The following PDE3A variants were observed in gnomAD, a reference collection of about 807,000 sequenced individuals.
PDE3A encodes cGMP-inhibited 3',5'-cyclic phosphodiesterase 3A.
In PDE3A, 43 loss-of-function variants were observed where a neutral mutation model predicts 98.3. That is an observed-to-expected ratio of 0.44 (90% CI 0.34 to 0.56). PDE3A has a LOEUF of 0.56. Among genes scored for constraint, PDE3A ranks in the 20% least tolerant of loss-of-function variants. The pLI, the probability that PDE3A is intolerant of heterozygous loss-of-function variation, is 0.01. For missense variants in PDE3A, 1,427 were observed against 1,440.7 expected (o/e 0.99, Z 0.15); for synonymous variants, 663 against 567.9 (o/e 1.17, Z -2.38).
chr12:20,457,158 T>A lies in PDE3A; in HGVS notation c.960+86914T>A, dbSNP rs138673497. 1.5e-4 allele frequency among the ~76,000 whole-genome samples: 23 copies of A among 152,216 alleles called. No homozygotes were observed. The East Asian group carries it at 3.3e-3, about 22-fold the overall frequency. ...CTAAGCAAGGACATTGGCAAAGGAA[T>A]TCCTTTCTAATATGAAATACACTAC... On this transcript the variant is annotated intron_variant, in intron 1 of 15. Coordinates refer to ENST00000359062, the MANE Select transcript of PDE3A (RefSeq NM_000921.5).
At position 20,684,848 on chromosome 12, in the gene PDE3A, G is replaced by T. The variant is rs1264323007; in HGVS notation, c.*4577G>T. ...AATTACACTACAAACAATGAGTTGA[G>T]CTAAAAACTATACATAACTTAAATT... On this transcript the variant is annotated 3_prime_UTR_variant, in exon 16 of 16. Coordinates refer to ENST00000359062, the MANE Select transcript of PDE3A (RefSeq NM_000921.5). Among the ~76,000 whole-genome samples the T allele has an allele frequency of 6.6e-6, 1 of 152,156 alleles. No individual in the cohort carries two copies. Among genetic ancestry groups the T allele is most frequent in the Non-Finnish European group, 1.5e-5 (1 of 68,036 alleles).
intron 2 of PDE3A, among the ~76,000 whole-genome samples, chr12:20,563,150 G>A (rs1473801163): frequency 1.3e-5 from 2 of 152,144 alleles, no homozygotes; most frequent in African/African-American, 4.8e-5. Flanking sequence ...TTTTTTGTCT[G>A]TAATTTCAAG....
intron 2 of PDE3A, among the ~76,000 whole-genome samples, chr12:20,566,411 T>TC (rs983290125): frequency 2.0e-5 from 3 of 152,014 alleles, no homozygotes; most frequent in African/African-American, 7.2e-5. Flanking sequence ...TACAACTATT[T>TC]CCATTTTAGA....
At chr12:20,640,333 T>C (rs1944617466) in intron 10 of PDE3A, among the ~76,000 whole-genome samples, 1 of 152,084 alleles carries the variant, frequency 6.6e-6, no homozygotes. Context: ...TTTTTGGAAA[T>C]AAATAAATAC....
chr12:20,640,211 T>C (rs1028939758), intron 10 of PDE3A, among the ~76,000 whole-genome samples: 4 of 152,140 alleles, frequency 2.6e-5, no homozygotes, highest in Non-Finnish European at 4.4e-5. Context: ...ATGAGAATTA[T>C]AGTACCTGAT....
At position 20,684,612 on chromosome 12, in the gene PDE3A, G is replaced by C. The variant is rs1945901549; in HGVS notation, c.*4341G>C. ...AACACATTTTATGACCATTGTCCTA[G>C]GTCGTTTGTGTCTTTATGAATTTGC... On this transcript the variant is annotated 3_prime_UTR_variant, in exon 16 of 16. Coordinates refer to ENST00000359062, the MANE Select transcript of PDE3A (RefSeq NM_000921.5). 6.6e-6 allele frequency among the ~76,000 whole-genome samples: 1 copy of C among 152,146 alleles called. No homozygotes were observed. The highest frequency in any genetic ancestry group is 2.1e-4 in the South Asian group (1 of 4,830).
At chr12:20,462,908 G>A (rs1235505675) in intron 1 of PDE3A, among the ~76,000 whole-genome samples, 1 of 151,630 alleles carries the variant, frequency 6.6e-6, no homozygotes, top group Admixed American at 6.6e-5. Flanking sequence ...TCCTACTTCG[G>A]CCTCCTGAGT....
intron 1 of PDE3A, among the ~76,000 whole-genome samples, chr12:20,495,165 C>A (rs1377235654): frequency 6.6e-6 from 1 of 151,976 alleles, no homozygotes; most frequent in Admixed American, 6.6e-5. Context: ...TCAATCAATG[C>A]CTGCTTGGAG....
chr12:20,388,574 T>G (rs1177493284), intron 1 of PDE3A, among the ~76,000 whole-genome samples: 1 of 152,008 alleles, frequency 6.6e-6, no homozygotes, highest in African/African-American at 2.4e-5. Context: ...ATAAAACATG[T>G]AGGAGGAGAG....
chr12:20,607,668 A>G (rs538593370), intron 2 of PDE3A, among the ~76,000 whole-genome samples: 1 of 151,906 alleles, frequency 6.6e-6, no homozygotes, highest in Admixed American at 6.6e-5. Flanking sequence ...AAATATTTCT[A>G]TTACAAGGAG....
intron 15 of PDE3A, among the ~76,000 whole-genome samples, chr12:20,654,493 T>TTTCG (rs1944994513): frequency 9.1e-6 from 1 of 109,776 alleles, no homozygotes; most frequent in Admixed American, 8.6e-5. Context: ...GTATCTGGTT[T>TTTCG]TTTGTTTGTT....
At chr12:20,411,865 A>G (rs1944339268) in intron 1 of PDE3A, among the ~76,000 whole-genome samples, 2 of 152,146 alleles carry the variant, frequency 1.3e-5, no homozygotes, top group South Asian at 4.1e-4. Flanking sequence ...TAGACCCTTT[A>G]AAAAATTACC....
intron 2 of PDE3A, among the ~76,000 whole-genome samples, chr12:20,588,466 A>T (rs963107925): frequency 2.6e-5 from 4 of 152,208 alleles, no homozygotes; most frequent in African/African-American, 9.6e-5. Context: ...TTCAAAAAAT[A>T]TTCTCTCCAG....
In PDE3A at chr12:20,519,790, A is replaced by T. The variant is rs186156195; in HGVS notation, c.961-36870A>T. Reference sequence around the variant, plus strand: ...TCCTGTGGCAGAACAAAAAAGGCACATCAGAGAAGGAAGGCTGCCATCAGG... The same window carrying T: ...TCCTGTGGCAGAACAAAAAAGGCACTTCAGAGAAGGAAGGCTGCCATCAGG... On this transcript the variant is annotated intron_variant, in intron 1 of 15. Transcript: ENST00000359062. Among the ~76,000 whole-genome samples, 1,006 of 152,318 alleles carry T rather than the reference A, an allele frequency of 6.6e-3. 11 individuals carry two copies. Among genetic ancestry groups the T allele is most frequent in the African/African-American group, 0.023 (938 of 41,574 alleles).
At chr12:20,605,609 G>A (rs766185186) in intron 2 of PDE3A, among the ~76,000 whole-genome samples, 1 of 152,114 alleles carries the variant, frequency 6.6e-6, no homozygotes, top group Non-Finnish European at 1.5e-5. Flanking sequence ...TGATTTCAGA[G>A]GAAAAGAGCC....
intron 1 of PDE3A, among the ~76,000 whole-genome samples, chr12:20,506,609 G>A (rs144878834): frequency 5.3e-5 from 8 of 151,880 alleles, no homozygotes; most frequent in East Asian, 3.9e-4. Context: ...TTTTATAGAC[G>A]AATTTATAAT....
chr12:20,523,002 A>G (rs1946456860), intron 1 of PDE3A, among the ~76,000 whole-genome samples: 2 of 151,920 alleles, frequency 1.3e-5, no homozygotes, highest in Non-Finnish European at 2.9e-5. Flanking sequence ...GCCTGAGATC[A>G]CCAAGGGAAT....
chr12:20,634,832 A>G, intron 7 of PDE3A, 70 bp from the exon 8 acceptor site: 2 of 1,133,412 alleles, frequency 1.8e-6, no homozygotes, highest in Non-Finnish European at 2.7e-6. Context: ...GCATCTTAGC[A>G]AAATTTGCTT....
rs554164390 is a variant in PDE3A at position 20,370,416 on chromosome 12, T to G, written c.960+172T>G. On this transcript the variant is annotated intron_variant, in intron 1 of 15. Transcript: ENST00000359062. ...TTTTTTTTTGTTTTTTTTGTTTTTT[T>G]TTTTTTGTTTTTTTGCCCTCTCTTT... is the stretch of plus-strand genomic sequence containing the variant. 2.1e-4 allele frequency among the ~76,000 whole-genome samples: 32 copies of G among 149,814 alleles called. No individual in the cohort carries two copies. The South Asian group carries it at 3.4e-3, about 16-fold the overall frequency.
Sources: gnomAD v4.1 joint callset for allele counts (sites outside exome capture counted in the v4.1 genomes callset) on GRCh38, gnomAD v4.1.1 for gene constraint, MANE v1.5 for transcripts, NCBI Gene and HGNC (gene_info 2026-07-23, HGNC 2026-07-21) for gene names.